JAKMIP3: variants seen among roughly 807,000 people sequenced by gnomAD.
The protein encoded by JAKMIP3 is Janus kinase and microtubule interacting protein 3.
In JAKMIP3, 58 loss-of-function variants were observed where a neutral mutation model predicts 118.5. The ratio of observed to expected loss-of-function variants is 0.49; its 90% CI spans 0.40 to 0.61. The LOEUF is 0.61. Ranked by LOEUF, JAKMIP3 falls within the 20% of genes least tolerant of loss-of-function variation. JAKMIP3 has a pLI of 0.00. For missense variants in JAKMIP3, 950 were observed against 1,109.0 expected, an observed-to-expected ratio of 0.86 and a Z score of 2.04; for synonymous variants, 486 against 451.2, an observed-to-expected ratio of 1.08 and a Z score of -0.98.
At chr10:132,038,088 A>G (rs2037575385) in intron 1 of JAKMIP3, among the ~76,000 whole-genome samples, 1 of 152,252 alleles carries the variant, frequency 6.6e-6, no homozygotes, top group Non-Finnish European at 1.5e-5. Context: ...GGATTTTTCA[A>G]GCAAATTGAT....
At chr10:132,038,859 T>G (rs1320626490) in intron 1 of JAKMIP3, among the ~76,000 whole-genome samples, 1 of 151,856 alleles carries the variant, frequency 6.6e-6, no homozygotes, top group Non-Finnish European at 1.5e-5. Context: ...GTTCCATTTC[T>G]TTACCTGTGT....
At position 132,117,135 on chromosome 10, in the gene JAKMIP3, A is replaced by G; in HGVS notation, c.194A>G (p.Gln65Arg). ...CTGCGGCAGGTGCGCGAGCATGAGC[A>G]GCATAAGACCGCGGTCTTGCTCACG... ...QELRQVREHEQHKTAVLLTEL... is the reference protein window; with the variant it reads ...QELRQVREHERHKTAVLLTEL... The change falls in exon 3 of 24, where the codon CAG becomes CGG. Residue 65 changes from glutamine (Q) to arginine (R), a missense_variant. Transcript: ENST00000684848. The surrounding 1 kb of genome is among the most constrained non-coding windows in gnomAD (Gnocchi z 8.6). The G allele has an allele frequency of 6.2e-7, 1 of 1,613,550 alleles. No individual in the cohort carries two copies. The highest frequency in any genetic ancestry group is 8.5e-7 in the Non-Finnish European group (1 of 1,179,764).
intron 19 of JAKMIP3, among the ~76,000 whole-genome samples, chr10:132,158,627 G>A (rs910310564): frequency 2.0e-5 from 3 of 151,058 alleles, no homozygotes; most frequent in Admixed American, 6.6e-5. Context: ...TGCTGTGGGA[G>A]GAGCATCTTC....
intron 2 of JAKMIP3, among the ~76,000 whole-genome samples, chr10:132,111,383 G>A (rs1342103675): frequency 3.3e-5 from 5 of 152,122 alleles, no homozygotes; most frequent in Admixed American, 3.3e-4. Flanking sequence ...TCCCAGGGTC[G>A]GGGGTGGCTC....
chr10:132,073,494 T>TA (rs1491524917), intron 1 of JAKMIP3, among the ~76,000 whole-genome samples: 2,064 of 48,804 alleles, frequency 0.042, 93 homozygotes, highest in African/African-American at 0.15. Context: ...CTATCTTTAC[T>TA]TTTTTTTTTT....
chr10:132,104,824 A>T lies in JAKMIP3; in HGVS notation c.16A>T (p.Met6Leu). The part of the protein sequence containing the change: MSKRG[M>L]SSRAKGDKAE... The stretch of plus-strand genomic sequence containing the variant: ...CAGCCTCACCATGTCCAAGAGGGGC[A>T]TGAGCAGCCGGGCCAAGGGGGACAA... Residue 6 changes from methionine to leucine, a missense_variant, in exon 2 of 24, where the codon ATG becomes TTG. Physicochemically the swap from Met to Leu is conservative, Grantham distance 15 (BLOSUM62 2). Coordinates refer to ENST00000684848, the MANE Select transcript of JAKMIP3 (RefSeq NM_001323087.2). The T allele has an allele frequency of 6.4e-7, 1 of 1,552,396 alleles. No individual in the cohort carries two copies. The highest frequency in any genetic ancestry group is 8.7e-7 in the Non-Finnish European group (1 of 1,147,780).
chr10:132,159,380 G>T (rs67594671), intron 19 of JAKMIP3, among the ~76,000 whole-genome samples: 2 of 84,284 alleles, frequency 2.4e-5, no homozygotes, highest in South Asian at 5.8e-4. Flanking sequence ...GGTTGGGGGG[G>T]GTCTATTCCT....
Position 132,097,952 on chromosome 10 carries a change from C to T in JAKMIP3, c.-137-6720C>T, listed in dbSNP as rs1196875615. ...TCCCCTTCCCCTTTCCCTTTCCCAT[C>T]CCCTTTCCCTTTCCTTCCTTTTCTC... is the stretch of plus-strand genomic sequence containing the variant. On this transcript the variant is annotated intron_variant, in intron 1 of 23. Coordinates refer to ENST00000684848, the MANE Select transcript of JAKMIP3 (RefSeq NM_001323087.2). Among the ~76,000 whole-genome samples the T allele has an allele frequency of 3.3e-3, 210 of 63,124 alleles. 38 individuals carry two copies. The highest frequency in any genetic ancestry group is 5.5e-3 in the Non-Finnish European group (161 of 29,212). The allele number at this position is 63,124 out of a possible 152,430, so 41.4% of individuals were successfully genotyped here. A position where few individuals can be genotyped will look rare whatever the true frequency, so the allele number is the denominator to read the frequency against.
In JAKMIP3 at chr10:132,104,804, T is replaced by C. The variant is rs1466134622; in HGVS notation, c.-5T>C. 2 of 1,550,446 alleles carry C rather than the reference T, an allele frequency of 1.3e-6. No individual in the cohort carries two copies. The highest frequency in any genetic ancestry group is 1.2e-5 in the South Asian group (1 of 84,024). ...TGGGCATCCCCCTGGCCATCCAGCC[T>C]CACCATGTCCAAGAGGGGCATGAGC... is the stretch of plus-strand genomic sequence containing the variant. On this transcript the variant is annotated 5_prime_UTR_variant, in exon 2 of 24. Coordinates refer to ENST00000684848, the MANE Select transcript of JAKMIP3 (RefSeq NM_001323087.2).
At chr10:132,140,889 G>A (rs1000361579) in intron 10 of JAKMIP3, among the ~76,000 whole-genome samples, 6 of 152,234 alleles carry the variant, frequency 3.9e-5, no homozygotes, top group Non-Finnish European at 8.8e-5. Context: ...CTGCATAGGG[G>A]TACGGTGAGC....
intron 1 of JAKMIP3, among the ~76,000 whole-genome samples, chr10:132,083,470 A>G (rs534202667): frequency 2.1e-4 from 32 of 152,180 alleles, no homozygotes; most frequent in African/African-American, 7.2e-4. Flanking sequence ...TTTTTCTCCC[A>G]TTCTCTGGGT....
rs2053597497 is a variant in JAKMIP3 at position 132,141,982 on chromosome 10, G to A, written c.1536G>A (p.Leu512=). The change falls in exon 11 of 24, where the codon CTG becomes CTA. Residue 512 remains leucine, a synonymous_variant. Transcript: ENST00000684848. ...AGCTGACCATGGAGTACCAGGCCCT[G>A]CAGCGTGCCTACGCTTTGTTGCAGG... The part of the protein sequence containing the change: ...FRQLTMEYQA[L]QRAYALLQEQ... 2 of 1,603,136 alleles carry A rather than the reference G, an allele frequency of 1.2e-6. No individual in the cohort carries two copies. The highest frequency in any genetic ancestry group is 2.2e-5 in the East Asian group (1 of 44,470).
At chr10:132,071,906 C>CTTCCTTTCCTTCCTTTCCTTCCT (rs1554918129) in intron 1 of JAKMIP3, among the ~76,000 whole-genome samples, 2 of 134,158 alleles carry the variant, frequency 1.5e-5, no homozygotes, top group Admixed American at 7.9e-5. Flanking sequence ...TCTTTCTTCC[C>CTTCCTTTCCTTCCTTTCCTTCCT]TTCCTTCCTT....
At chr10:132,137,226 TC>T in intron 7 of JAKMIP3, 27 bp from the exon 8 acceptor site, 1 of 1,613,872 alleles carries the variant, frequency 6.2e-7, no homozygotes, top group Non-Finnish European at 8.5e-7. Context: ...CCTGAGCAAT[TC>T]CGTAACATGC....
intron 1 of JAKMIP3, among the ~76,000 whole-genome samples, chr10:132,058,409 G>A (rs1053161068): frequency 1.3e-5 from 2 of 152,200 alleles, no homozygotes; most frequent in African/African-American, 4.8e-5. Flanking sequence ...GGCCTCCATC[G>A]GGAAGAGGTA....
chr10:132,104,940 C>A lies in JAKMIP3; in HGVS notation c.132C>A (p.Ser44Arg). ...DIQIELQQEKSKVSKVEREKN... is the reference protein window; with the variant it reads ...DIQIELQQEKRKVSKVEREKN... Reference sequence around the variant, plus strand: ...AGATCGAGCTGCAGCAGGAGAAGAGCAAGGTGGGCGCTCCCCAGACCTCCA... The same window carrying A: ...AGATCGAGCTGCAGCAGGAGAAGAGAAAGGTGGGCGCTCCCCAGACCTCCA... Residue 44 changes from serine to arginine, a missense_variant, in exon 2 of 24, where the codon AGC becomes AGA. Coordinates refer to ENST00000684848, the MANE Select transcript of JAKMIP3 (RefSeq NM_001323087.2). The A allele has an allele frequency of 6.3e-7, 1 of 1,589,332 alleles. No homozygotes were observed. The highest frequency in any genetic ancestry group is 8.6e-7 in the Non-Finnish European group (1 of 1,168,150).
In JAKMIP3 at chr10:132,182,531, A is replaced by C. The variant is rs890051324; in HGVS notation, c.*1278A>C. Reference sequence around the variant, plus strand: ...GGCTAAGGTTCTGCTCTCAGAGCTGAATTGACAGGAGGTGTGTGTGTGTGC... The same window carrying C: ...GGCTAAGGTTCTGCTCTCAGAGCTGCATTGACAGGAGGTGTGTGTGTGTGC... On this transcript the variant is annotated 3_prime_UTR_variant, in exon 24 of 24. Coordinates refer to ENST00000684848, the MANE Select transcript of JAKMIP3 (RefSeq NM_001323087.2). 6.6e-6 allele frequency: 1 copy of C among 152,166 alleles called. No individual in the cohort carries two copies. The highest frequency in any genetic ancestry group is 2.4e-5 in the African/African-American group (1 of 41,418). The allele number at this position is 152,166 out of a possible 1,614,324, so 9.4% of individuals were successfully genotyped here. A position where few individuals can be genotyped will look rare whatever the true frequency, so the allele number is the denominator to read the frequency against.
chr10:132,134,703 C>G (rs752860078), intron 4 of JAKMIP3, among the ~76,000 whole-genome samples: 8 of 152,256 alleles, frequency 5.3e-5, no homozygotes, highest in Non-Finnish European at 7.3e-5. Context: ...CACCCACACT[C>G]GCGGTTTCTG....
Position 132,137,135 on chromosome 10 carries a change from A to T in JAKMIP3, c.1233A>T (p.Ile411=). 3 of 1,613,944 alleles carry T rather than the reference A, an allele frequency of 1.9e-6. No homozygotes were observed. Among genetic ancestry groups the T allele is most frequent in the Non-Finnish European group, 2.5e-6 (3 of 1,179,872 alleles). Reference sequence around the variant, plus strand: ...AGATTGTGGAGCAGCAAAACCTCATAGATGAACTGTCTAAGGTACCCGGCG... The same window carrying T: ...AGATTGTGGAGCAGCAAAACCTCATTGATGAACTGTCTAAGGTACCCGGCG... ...KLQIVEQQNL[I]DELSKTLETA... is the part of the protein sequence containing the mutation. Residue 411 remains isoleucine (I), a synonymous_variant, in exon 7 of 24, where the codon ATA becomes ATT. Transcript: ENST00000684848.
Sources: allele counts gnomAD v4.1 joint callset (sites outside exome capture counted in the v4.1 genomes callset), GRCh38; gene constraint gnomAD v4.1.1; non-coding constraint Gnocchi (gnomAD v3.1); transcripts MANE v1.5; gene names NCBI Gene and HGNC (gene_info 2026-07-23, HGNC 2026-07-21).